Variants in TRIP12 observed in about 807,000 individuals in gnomAD.
TRIP12 encodes the protein E3 ubiquitin-protein ligase TRIP12.
In TRIP12, 25 loss-of-function variants were observed where a neutral mutation model predicts 244.2. The observed-to-expected ratio is 0.10, with a 90% CI of 0.07 to 0.14. TRIP12 has a LOEUF of 0.14. Ranked by LOEUF, TRIP12 falls within the 10% of genes least tolerant of loss-of-function variation. The pLI is 1.00. For synonymous variants in TRIP12, 905 were observed against 873.1 expected (o/e 1.04, Z -0.64); for missense variants, 1,677 against 2,486.4 (o/e 0.67, Z 6.92).
Position 229,782,668 on chromosome 2 carries a change from A to G in TRIP12, c.5094+3089T>C, listed in dbSNP as rs551333538. On this transcript the variant is annotated intron_variant, in intron 34 of 41. Transcript: ENST00000675903. Reference sequence around the variant, plus strand: ...TACTCTTAGCTTTTTAAAAGTCATCAAGAAGGAGAAAATGCTTAATAAAAT... The same window carrying G: ...TACTCTTAGCTTTTTAAAAGTCATCGAGAAGGAGAAAATGCTTAATAAAAT... Among the ~76,000 whole-genome samples the G allele has an allele frequency of 2.2e-4, 34 of 152,300 alleles. No homozygotes were observed. The Middle Eastern group carries it at 0.017, about 76-fold the overall frequency.
intron 21 of TRIP12, 37 bp downstream of exon 21, chr2:229,802,215 G>A (rs1236308199): frequency 1.3e-6 from 2 of 1,535,564 alleles, no homozygotes; most frequent in Non-Finnish European, 1.8e-6. Flanking sequence ...AGCGCTAACA[G>A]CAAAGAAATA....
chr2:229,908,332 T>C (rs1344734626), intron 1 of TRIP12, among the ~76,000 whole-genome samples: 1 of 152,226 alleles, frequency 6.6e-6, no homozygotes, highest in African/African-American at 2.4e-5. Flanking sequence ...GGCAAATATA[T>C]ACAGATGCAA....
At position 229,808,333 on chromosome 2, in the gene TRIP12, G is replaced by C. The variant is rs1559544488; in HGVS notation, c.2258C>G (p.Ala753Gly). The change falls in exon 16 of 42, where the codon GCC becomes GGC. Residue 753 changes from alanine to glycine, a missense_variant. Ala to Gly is a moderately conservative substitution (Grantham distance 60). Coordinates refer to ENST00000675903, the MANE Select transcript of TRIP12 (RefSeq NM_001348323.3). ...CTGTTCCTGACAACTTCCATTGGAG[G>C]CACCACACAGGAGAAAGTGAAGCGT... ...AETLHFLLCG[A>G]SNGSCQEQID... is the part of the protein sequence containing the mutation. 6.2e-7 allele frequency: 1 copy of C among 1,613,454 alleles called. No homozygotes were observed. Among genetic ancestry groups the C allele is most frequent in the Non-Finnish European group, 8.5e-7 (1 of 1,179,958 alleles).
intron 6 of TRIP12, 135 bp from the exon 7 acceptor site, chr2:229,830,974 C>A: frequency 1.4e-6 from 1 of 713,360 alleles, no homozygotes; most frequent in Non-Finnish European, 2.5e-6. Context: ...ACTGTACACT[C>A]AGCTGTTCTT....
intron 11 of TRIP12, 49 bp downstream of exon 11, chr2:229,815,050 T>C (rs533723421): frequency 3.5e-6 from 5 of 1,417,234 alleles, no homozygotes. Flanking sequence ...AGTTTGAAAC[T>C]TGACTCCCTA....
chr2:229,855,356 T>A (rs931786220), intron 4 of TRIP12, among the ~76,000 whole-genome samples: 3 of 152,140 alleles, frequency 2.0e-5, no homozygotes, highest in Non-Finnish European at 2.9e-5. Context: ...TATTCAGAAC[T>A]GTCAGGCACT....
At chr2:229,863,821 T>G (rs1477658175) in intron 2 of TRIP12, among the ~76,000 whole-genome samples, 1 of 152,224 alleles carries the variant, frequency 6.6e-6, no homozygotes, top group East Asian at 1.9e-4. Flanking sequence ...CTCTCTAATT[T>G]AGCAAGCCTT....
chr2:229,910,393 A>C (rs1183212982), intron 1 of TRIP12, among the ~76,000 whole-genome samples: 1 of 152,242 alleles, frequency 6.6e-6, no homozygotes, highest in Non-Finnish European at 1.5e-5. Flanking sequence ...ATCAGTAAAC[A>C]CATGAGTTAG....
chr2:229,888,056 C>T (rs1045205453), intron 1 of TRIP12, among the ~76,000 whole-genome samples: 1 of 152,216 alleles, frequency 6.6e-6, no homozygotes, highest in Non-Finnish European at 1.5e-5. Context: ...ACAACAGCTT[C>T]CTGTCCTTAT....
rs1240067317 is a variant in TRIP12, at chr2:229,859,443, C to G, written c.356G>C (p.Ser119Thr). 1.2e-6 allele frequency: 2 copies of G among 1,614,172 alleles called. No homozygotes were observed. Among genetic ancestry groups the G allele is most frequent in the Non-Finnish European group, 1.7e-6 (2 of 1,180,036 alleles). ...DNSRGVKRSA[S>T]PDYNRTNSPS... is the part of the protein sequence containing the mutation. ...AGAATTGGTCCTGTTGTAGTCTGGACTAGCACTGCGCTTCACTCCTCGAGA... is the reference window on the plus strand; with the variant it reads ...AGAATTGGTCCTGTTGTAGTCTGGAGTAGCACTGCGCTTCACTCCTCGAGA... The change falls in exon 4 of 42, where the codon AGT (serine) becomes ACT (threonine). Residue 119 changes from serine to threonine, a missense_variant. Transcript: ENST00000675903.
intron 4 of TRIP12, among the ~76,000 whole-genome samples, chr2:229,853,697 T>A (rs542412547): frequency 6.6e-6 from 1 of 152,124 alleles, no homozygotes; most frequent in South Asian, 2.1e-4. Context: ...CATACATACA[T>A]ACATACATGA....
At chr2:229,868,118 G>A (rs1024118409) in intron 2 of TRIP12, among the ~76,000 whole-genome samples, 4 of 152,232 alleles carry the variant, frequency 2.6e-5, no homozygotes, top group African/African-American at 9.6e-5. Context: ...AAAACTCCAG[G>A]CTGCCTAATT....
At chr2:229,873,773 C>T (rs1271367555) in intron 2 of TRIP12, among the ~76,000 whole-genome samples, 1 of 151,942 alleles carries the variant, frequency 6.6e-6, no homozygotes, top group Admixed American at 6.6e-5. Flanking sequence ...AGGCTATATC[C>T]TATATTTCTC....
intron 18 of TRIP12, among the ~76,000 whole-genome samples, chr2:229,804,669 A>G (rs1299489929): frequency 6.6e-6 from 1 of 152,246 alleles, no homozygotes; most frequent in Non-Finnish European, 1.5e-5. Context: ...GTGTAAGGAA[A>G]AGATAACTGA....
intron 1 of TRIP12, among the ~76,000 whole-genome samples, chr2:229,911,800 G>C (rs1201187896): frequency 1.3e-5 from 2 of 151,708 alleles, no homozygotes; most frequent in African/African-American, 4.8e-5. Context: ...TATTTAATTT[G>C]ATTAAACTAT....
chr2:229,813,920 G>C lies in TRIP12; in HGVS notation c.1936C>G (p.His646Asp), dbSNP rs1559584167. ...AATGGGAGTGAATCTGCCACAAAATGAAATTCATCTGGCGTGATACTCTGG... is the reference window on the plus strand; with the variant it reads ...AATGGGAGTGAATCTGCCACAAAATCAAATTCATCTGGCGTGATACTCTGG... ...CCQSITPDEF[H>D]FVADSLPLLT... The change falls in exon 13 of 42, where the codon CAT (histidine) becomes GAT (aspartate). Residue 646 changes from histidine (H) to aspartate (D), a missense_variant. Transcript: ENST00000675903. 1.9e-6 allele frequency: 3 copies of C among 1,589,294 alleles called. No individual in the cohort carries two copies. Among genetic ancestry groups the C allele is most frequent in the Non-Finnish European group, 1.7e-6 (2 of 1,161,930 alleles).
Position 229,908,105 on chromosome 2 carries a change from G to A in TRIP12, c.-50+13775C>T, listed in dbSNP as rs538050563. 3.0e-4 allele frequency among the ~76,000 whole-genome samples: 46 copies of A among 152,230 alleles called. 1 individual carries two copies. Among genetic ancestry groups the A allele is most frequent in the African/African-American group, 1.0e-3 (42 of 41,546 alleles). On this transcript the variant is annotated intron_variant, in intron 1 of 41. Transcript: ENST00000675903. ...ACATTATCCTCCACCAGCAGACTGTGCTAAGCTATATAAAGTACCACAGGC... is the reference window on the plus strand; with the variant it reads ...ACATTATCCTCCACCAGCAGACTGTACTAAGCTATATAAAGTACCACAGGC...
chr2:229,799,187 A>G, intron 22 of TRIP12, 96 bp downstream of exon 22: 3 of 1,520,638 alleles, frequency 2.0e-6, no homozygotes, highest in Non-Finnish European at 2.7e-6. Context: ...AAACTTAGGC[A>G]TACTTCAAGA....
At chr2:229,883,592 C>T (rs903980796) in intron 1 of TRIP12, among the ~76,000 whole-genome samples, 1 of 152,156 alleles carries the variant, frequency 6.6e-6, no homozygotes, top group African/African-American at 2.4e-5. Context: ...CATGGCCATA[C>T]CTTCATTTCT....
Sources: gnomAD v4.1 joint callset for allele counts (sites outside exome capture counted in the v4.1 genomes callset) on GRCh38, gnomAD v4.1.1 for gene constraint, MANE v1.5 for transcripts, NCBI Gene and HGNC (gene_info 2026-07-23, HGNC 2026-07-21) for gene names.